Variants in TNIK observed in about 807,000 individuals in gnomAD.
The protein encoded by TNIK is TRAF2 and NCK interacting kinase.
In TNIK, 49 loss-of-function variants were observed where a neutral mutation model predicts 191.3. The ratio of observed to expected loss-of-function variants is 0.26; its 90% CI spans 0.20 to 0.32. The LOEUF (loss-of-function observed/expected upper bound fraction) is 0.32. Among genes scored for constraint, TNIK ranks in the 10% least tolerant of loss-of-function variants. The pLI is 1.00. For synonymous variants in TNIK, 594 were observed against 600.9 expected (o/e 0.99, Z 0.17); for missense variants, 1,155 against 1,702.3 (o/e 0.68, Z 5.66).
chr3:171,311,992 G>A lies in TNIK; in HGVS notation c.123+57628C>T, dbSNP rs181922734. Reference sequence around the variant, plus strand: ...CATGTGACTTCGGGGGTTGGGGGCGGGTGCGCCTGCCCACCCACCACAAAT... The same window carrying A: ...CATGTGACTTCGGGGGTTGGGGGCGAGTGCGCCTGCCCACCCACCACAAAT... On this transcript the variant is annotated intron_variant, in intron 2 of 32. Transcript: ENST00000436636. Among the ~76,000 whole-genome samples, 189 of 151,656 alleles carry A rather than the reference G, an allele frequency of 1.2e-3. 1 individual carries two copies. Among genetic ancestry groups the A allele is most frequent in the African/African-American group, 4.4e-3 (184 of 41,364 alleles).
intron 2 of TNIK, among the ~76,000 whole-genome samples, chr3:171,334,981 T>A (rs1756806883): frequency 1.3e-5 from 2 of 148,418 alleles, no homozygotes; most frequent in Admixed American, 1.3e-4. Flanking sequence ...ACTTTCAGAG[T>A]CTTCAGAGAT....
intron 3 of TNIK, among the ~76,000 whole-genome samples, chr3:171,222,271 C>G (rs1054307198): frequency 1.3e-5 from 2 of 152,104 alleles, no homozygotes. Flanking sequence ...TGAATTCCAA[C>G]CCTGCCATTT....
At chr3:171,128,280 G>C (rs1728752135) in intron 16 of TNIK, among the ~76,000 whole-genome samples, 1 of 152,202 alleles carries the variant, frequency 6.6e-6, no homozygotes, top group African/African-American at 2.4e-5. Context: ...TGGCTTAGAA[G>C]ACGTAATTTT....
At chr3:171,258,022 T>G (rs886920542) in intron 2 of TNIK, among the ~76,000 whole-genome samples, 2 of 152,164 alleles carry the variant, frequency 1.3e-5, no homozygotes, top group Admixed American at 1.3e-4. Context: ...ATCTTGTGCT[T>G]AGAGACTGGT....
At chr3:171,346,269 A>G (rs1386510241) in intron 2 of TNIK, among the ~76,000 whole-genome samples, 14 of 152,212 alleles carry the variant, frequency 9.2e-5, no homozygotes. Context: ...AATGCCTTCA[A>G]GTCTCTACAC....
rs1228739980 is a variant in TNIK, at chr3:171,066,178, C to T, written c.3999+9G>A. 5.0e-6 allele frequency: 8 copies of T among 1,612,274 alleles called. No homozygotes were observed. The highest frequency in any genetic ancestry group is 3.3e-5 in the Admixed American group (2 of 59,950). On this transcript the variant is annotated intron_variant, in intron 32 of 32. Transcript: ENST00000436636. ...GCAAACACTAATGCAAATGTTGAAA[C>T]GGATTTACCTTATCATTTCTTTCAC... is the stretch of plus-strand genomic sequence containing the variant.
At chr3:171,244,482 G>GA (rs200410823) in intron 2 of TNIK, among the ~76,000 whole-genome samples, 1,705 of 152,156 alleles carry the variant, frequency 0.011, 24 homozygotes, top group African/African-American at 0.039. Flanking sequence ...TATTCTGGGG[G>GA]AAAAAACCAC....
intron 2 of TNIK, among the ~76,000 whole-genome samples, chr3:171,342,826 T>C (rs534197715): frequency 5.3e-5 from 8 of 152,306 alleles, no homozygotes; most frequent in African/African-American, 1.9e-4. Flanking sequence ...AATCCCCTCA[T>C]GTCATGGGGG....
intron 2 of TNIK, among the ~76,000 whole-genome samples, chr3:171,315,264 T>C (rs892845302): frequency 3.9e-5 from 6 of 152,200 alleles, no homozygotes; most frequent in Admixed American, 3.9e-4. Context: ...CGGGCCATTA[T>C]TCAGCCAGCC....
chr3:171,269,729 T>A (rs1748857258), intron 2 of TNIK, among the ~76,000 whole-genome samples: 1 of 152,232 alleles, frequency 6.6e-6, no homozygotes, highest in South Asian at 2.1e-4. Context: ...AAACAGCCTA[T>A]GCTGGAGAGA....
At chr3:171,107,244 A>C in intron 20 of TNIK, 38 bp from the exon 21 acceptor site, 4 of 1,598,686 alleles carry the variant, frequency 2.5e-6, no homozygotes, top group Non-Finnish European at 3.4e-6. Context: ...GAATCCACAG[A>C]AGGAGGAAAA....
chr3:171,390,403 T>G (rs1285489551), intron 1 of TNIK, among the ~76,000 whole-genome samples: 1 of 152,196 alleles, frequency 6.6e-6, no homozygotes, highest in Non-Finnish European at 1.5e-5. Context: ...ACAGCCTCTT[T>G]TTGTACCTCT....
At chr3:171,436,261 G>A (rs1726021089) in intron 1 of TNIK, among the ~76,000 whole-genome samples, 1 of 150,574 alleles carries the variant, frequency 6.6e-6, no homozygotes, top group Admixed American at 6.6e-5. Context: ...CTTGGAGGCA[G>A]AACCTAATAC....
chr3:171,172,298 T>C (rs1345452079), intron 9 of TNIK, among the ~76,000 whole-genome samples: 1 of 152,162 alleles, frequency 6.6e-6, no homozygotes, highest in Non-Finnish European at 1.5e-5. Flanking sequence ...ATATATACAC[T>C]GAGAACAAGG....
intron 1 of TNIK, among the ~76,000 whole-genome samples, chr3:171,442,908 T>C (rs1270003958): frequency 6.6e-6 from 1 of 152,160 alleles, no homozygotes; most frequent in East Asian, 1.9e-4. Context: ...AAATAAAAGC[T>C]GTTTATATTC....
rs752275597 is a variant in TNIK at position 171,101,436 on chromosome 3, G to A, written c.2591+13C>T. On this transcript the variant is annotated intron_variant, in intron 22 of 32. Coordinates refer to ENST00000436636, the MANE Select transcript of TNIK (RefSeq NM_015028.4). ...TCCCCTCCCGGTCTACACTTTAAAA[G>A]TAGTTCTCTTACATCAGTCTGGGTA... 6.3e-7 allele frequency: 1 copy of A among 1,588,476 alleles called. No individual in the cohort carries two copies. Among genetic ancestry groups the A allele is most frequent in the Non-Finnish European group, 8.5e-7 (1 of 1,171,268 alleles).
intron 2 of TNIK, among the ~76,000 whole-genome samples, chr3:171,280,727 C>A (rs1402213654): frequency 6.6e-6 from 1 of 151,428 alleles, no homozygotes. Context: ...GCATCCATCA[C>A]TTTAAAAGAC....
chr3:171,385,839 A>G (rs1190241677), intron 1 of TNIK, among the ~76,000 whole-genome samples: 1 of 152,362 alleles, frequency 6.6e-6, no homozygotes, highest in African/African-American at 2.4e-5. Flanking sequence ...TAAGCATTTC[A>G]TAAGGCAAAT....
chr3:171,120,144 A>T (rs1039812862), intron 18 of TNIK, among the ~76,000 whole-genome samples: 6 of 152,166 alleles, frequency 3.9e-5, no homozygotes, highest in African/African-American at 1.4e-4. Context: ...TCAGGGTACT[A>T]AATAGTTTAC....
Sources: gnomAD v4.1 joint callset for allele counts (sites outside exome capture counted in the v4.1 genomes callset) on GRCh38, gnomAD v4.1.1 for gene constraint, MANE v1.5 for transcripts, NCBI Gene and HGNC (gene_info 2026-07-23, HGNC 2026-07-21) for gene names.